The following RYR2 variants were observed in gnomAD, a reference collection of about 807,000 sequenced individuals.
RYR2 encodes the protein ryanodine receptor 2.
Under a neutral mutation model 601.1 loss-of-function variants are expected in RYR2, and 227 were observed. The ratio of observed to expected loss-of-function variants is 0.38; its 90% CI spans 0.34 to 0.42. RYR2 has a LOEUF of 0.42. RYR2 is among the 10% of genes least tolerant of loss of function. RYR2 has a pLI of 1.00. For missense variants in RYR2, 4,646 were observed against 6,156.5 expected (o/e 0.75, Z 8.21); for synonymous variants, 2,223 against 2,175.1 (o/e 1.02, Z -0.61).
At chr1:237,700,489 A>G (rs1687871121) in intron 65 of RYR2, 22 bp downstream of exon 65, 3 of 1,248,870 alleles carry the variant, frequency 2.4e-6, no homozygotes, top group Admixed American at 2.2e-5. Flanking sequence ...TATATCTTGG[A>G]GTTTTTTTTT....
intron 97 of RYR2, among the ~76,000 whole-genome samples, chr1:237,798,389 ATAT>A (rs1659529731): frequency 6.9e-6 from 1 of 143,926 alleles, no homozygotes; most frequent in South Asian, 2.5e-4. Flanking sequence ...GTACCTTTTA[ATAT>A]TTATAAGAGA....
intron 99 of RYR2, among the ~76,000 whole-genome samples, chr1:237,807,865 A>G (rs1323108419): frequency 6.6e-6 from 1 of 152,244 alleles, no homozygotes; most frequent in Non-Finnish European, 1.5e-5. Context: ...CTGTAATCAG[A>G]AAAAGTACAC....
At chr1:237,061,337 A>G (rs1441659699) in intron 1 of RYR2, among the ~76,000 whole-genome samples, 1 of 150,910 alleles carries the variant, frequency 6.6e-6, no homozygotes, top group African/African-American at 2.4e-5. Context: ...TCATCTCTCT[A>G]GACAGAGTCT....
intron 1 of RYR2, among the ~76,000 whole-genome samples, chr1:237,223,287 G>A (rs762013974): frequency 3.3e-5 from 5 of 152,112 alleles, no homozygotes; most frequent in Non-Finnish European, 5.9e-5. Flanking sequence ...CTGTGTCCTC[G>A]CATGGCTAAA....
At chr1:237,481,516 C>T (rs1313048601) in intron 17 of RYR2, among the ~76,000 whole-genome samples, 1 of 152,000 alleles carries the variant, frequency 6.6e-6, no homozygotes, top group African/African-American at 2.4e-5. Flanking sequence ...TTGGGTAGAC[C>T]CAATTCTCCT....
intron 10 of RYR2, among the ~76,000 whole-genome samples, chr1:237,399,817 G>C (rs190849432): frequency 1.4e-4 from 21 of 152,232 alleles, no homozygotes; most frequent in African/African-American, 4.8e-4. Flanking sequence ...GGGGAACAAT[G>C]GGTATAGGTA....
At position 237,639,062 on chromosome 1, in the gene RYR2, C is replaced by T. The variant is rs1207293121; in HGVS notation, c.6976C>T (p.Arg2326Trp). The T allele has an allele frequency of 4.3e-6, 7 of 1,613,644 alleles. No homozygotes were observed. Among genetic ancestry groups the T allele is most frequent in the South Asian group, 1.1e-5 (1 of 91,078 alleles). ...AAATGTCGTGGTGAGATTGCTCATT[C>T]GGAGGCCTGAGTGTTTTGGTCCTGC... ...NANVVVRLLI[R>W]RPECFGPALR... Residue 2326 changes from arginine to tryptophan, a missense_variant, in exon 46 of 105, where the codon CGG (arginine) becomes TGG (tryptophan). This residue lies in a region of RYR2 where 137 missense variants were observed against 273.6 expected (regional missense o/e 0.50). Coordinates refer to ENST00000366574, the MANE Select transcript of RYR2 (RefSeq NM_001035.3).
chr1:237,216,294 T>C (rs1177132188), intron 1 of RYR2, among the ~76,000 whole-genome samples: 1 of 152,216 alleles, frequency 6.6e-6, no homozygotes, highest in Non-Finnish European at 1.5e-5. Flanking sequence ...TTATATTGAA[T>C]TCAGTATTCA....
At chr1:237,294,211 G>A (rs1400112252) in intron 2 of RYR2, among the ~76,000 whole-genome samples, 1 of 152,132 alleles carries the variant, frequency 6.6e-6, no homozygotes, top group Non-Finnish European at 1.5e-5. Context: ...GGGGAAGTGA[G>A]CAAGTGTACA....
At chr1:237,797,469 T>A in intron 96 of RYR2, among the ~76,000 whole-genome samples, 1 of 152,158 alleles carries the variant, frequency 6.6e-6, no homozygotes, top group East Asian at 1.9e-4. Context: ...ATTGAGACCA[T>A]GGAAGGATGC....
intron 12 of RYR2, among the ~76,000 whole-genome samples, chr1:237,424,749 A>G (rs1054958140): frequency 3.3e-5 from 5 of 152,208 alleles, no homozygotes; most frequent in Non-Finnish European, 7.4e-5. Context: ...AATTTTCTGT[A>G]TGCTTAATAA....
intron 1 of RYR2, among the ~76,000 whole-genome samples, chr1:237,095,040 A>G (rs1433595641): frequency 6.6e-6 from 1 of 152,198 alleles, no homozygotes; most frequent in Admixed American, 6.5e-5. Flanking sequence ...TATAGATGTG[A>G]CTTCTGAGGC....
chr1:237,299,368 G>A (rs556298308), intron 2 of RYR2, among the ~76,000 whole-genome samples: 2 of 152,084 alleles, frequency 1.3e-5, no homozygotes, highest in Admixed American at 6.6e-5. Flanking sequence ...ATTTGAATAC[G>A]GAAGAATAAA....
intron 4 of RYR2, among the ~76,000 whole-genome samples, chr1:237,356,267 A>C (rs1229823972): frequency 6.6e-6 from 1 of 152,018 alleles, no homozygotes; most frequent in Non-Finnish European, 1.5e-5. Flanking sequence ...TGGCCAACAG[A>C]AAGGTGTTTA....
At chr1:237,657,301 C>T (rs1683341829) in intron 53 of RYR2, among the ~76,000 whole-genome samples, 1 of 151,944 alleles carries the variant, frequency 6.6e-6, no homozygotes, top group Admixed American at 6.6e-5. Context: ...AAAGTTAATA[C>T]TTTAATAAGA....
chr1:237,263,086 C>A (rs555706885), intron 1 of RYR2, among the ~76,000 whole-genome samples: 1 of 152,036 alleles, frequency 6.6e-6, no homozygotes, highest in East Asian at 1.9e-4. Flanking sequence ...GCTGTGGATG[C>A]TTATGATACA....
chr1:237,089,823 A>T (rs901589391), intron 1 of RYR2, among the ~76,000 whole-genome samples: 1 of 152,352 alleles, frequency 6.6e-6, no homozygotes, highest in South Asian at 2.1e-4. Flanking sequence ...TCAGAAGATT[A>T]TTCTTAGATA....
chr1:237,361,416 T>A (rs997185307), intron 4 of RYR2, among the ~76,000 whole-genome samples: 1 of 152,186 alleles, frequency 6.6e-6, no homozygotes, highest in African/African-American at 2.4e-5. Context: ...TCTTGATACG[T>A]GGAGAGGAAA....
intron 65 of RYR2, among the ~76,000 whole-genome samples, chr1:237,701,039 G>GA (rs1301471362): frequency 6.6e-6 from 1 of 152,142 alleles, no homozygotes; most frequent in Non-Finnish European, 1.5e-5. Context: ...AGATTACGTG[G>GA]AAAAAATACG....
Sources: allele counts gnomAD v4.1 joint callset (sites outside exome capture counted in the v4.1 genomes callset), GRCh38; gene constraint gnomAD v4.1.1; regional missense constraint gnomAD v4.1.1; transcripts MANE v1.5; gene names NCBI Gene and HGNC (gene_info 2026-07-23, HGNC 2026-07-21).